PALLD: variants seen among roughly 807,000 people sequenced by gnomAD.
PALLD encodes the protein palladin, cytoskeletal associated protein, also known as palladin.
PALLD carries 61 observed loss-of-function variants against 123.5 expected under a neutral mutation model. The ratio of observed to expected loss-of-function variants is 0.49; its 90% CI spans 0.40 to 0.61. PALLD has a LOEUF of 0.61. Among genes scored for constraint, PALLD ranks in the 20% least tolerant of loss-of-function variants. PALLD has a pLI of 0.00. For missense variants in PALLD, 1,273 were observed against 1,377.0 expected, an observed-to-expected ratio of 0.92 and a Z score of 1.20; for synonymous variants, 465 against 496.4, an observed-to-expected ratio of 0.94 and a Z score of 0.84.
chr4:168,745,429 G>T lies in PALLD; in HGVS notation c.1964+33506G>T, dbSNP rs59868896. ...TTAGTTAGAGTCTGTGAGATGGGAGGGGGGGGCAAATAATGATTCATTCTC... is the reference window on the plus strand; with the variant it reads ...TTAGTTAGAGTCTGTGAGATGGGAGTGGGGGGCAAATAATGATTCATTCTC... On this transcript the variant is annotated intron_variant, in intron 10 of 21. Transcript: ENST00000505667. Among the ~76,000 whole-genome samples the T allele has an allele frequency of 5.1e-3, 726 of 141,308 alleles. 20 individuals are homozygous for T. The highest frequency in any genetic ancestry group is 0.018 in the African/African-American group (696 of 39,212). The allele number at this position is 141,308 out of a possible 152,430, so 92.7% of individuals were successfully genotyped here.
intron 2 of PALLD, among the ~76,000 whole-genome samples, chr4:168,586,808 T>G (rs536774883): frequency 1.3e-5 from 2 of 152,244 alleles, no homozygotes; most frequent in African/African-American, 4.8e-5. Flanking sequence ...CAGTTCAGTC[T>G]CTCAATTCTG....
intron 10 of PALLD, among the ~76,000 whole-genome samples, chr4:168,834,613 T>G (rs1561578274): frequency 6.6e-6 from 1 of 152,050 alleles, no homozygotes; most frequent in Non-Finnish European, 1.5e-5. Flanking sequence ...GGTGTGTGCC[T>G]ATAACCCCAG....
intron 10 of PALLD, among the ~76,000 whole-genome samples, chr4:168,725,711 A>G (rs1235098708): frequency 1.3e-5 from 2 of 151,800 alleles, no homozygotes; most frequent in African/African-American, 4.8e-5. Flanking sequence ...TATTTTTAGT[A>G]CAGACGGGGT....
At chr4:168,746,306 G>A (rs1244952037) in intron 10 of PALLD, among the ~76,000 whole-genome samples, 2 of 149,520 alleles carry the variant, frequency 1.3e-5, no homozygotes, top group South Asian at 2.1e-4. Context: ...GCGTGAACCC[G>A]GGAGGCGGAG....
chr4:168,875,905 C>T (rs1184879877), intron 10 of PALLD, among the ~76,000 whole-genome samples: 1 of 152,204 alleles, frequency 6.6e-6, no homozygotes, highest in Non-Finnish European at 1.5e-5. Context: ...AGGTACAGAG[C>T]GTGATATGAT....
intron 8 of PALLD, among the ~76,000 whole-genome samples, chr4:168,699,726 A>C (rs1031098082): frequency 6.6e-6 from 1 of 152,094 alleles, no homozygotes; most frequent in African/African-American, 2.4e-5. Context: ...TCTGGGAGAT[A>C]TTGCTGTGAT....
chr4:168,859,841 G>A (rs531250447), intron 10 of PALLD, among the ~76,000 whole-genome samples: 1 of 151,866 alleles, frequency 6.6e-6, no homozygotes, highest in East Asian at 1.9e-4. Context: ...ACATTAAAAA[G>A]GAAAAAGAAA....
At chr4:168,602,883 A>G (rs1345257589) in intron 2 of PALLD, among the ~76,000 whole-genome samples, 2 of 151,942 alleles carry the variant, frequency 1.3e-5, no homozygotes, top group African/African-American at 4.8e-5. Context: ...CTCCCACCTC[A>G]GCCTCCTGAG....
At chr4:168,524,404 G>T (rs77196839) in intron 2 of PALLD, among the ~76,000 whole-genome samples, 3,315 of 152,238 alleles carry the variant, frequency 0.022, 47 homozygotes, top group Middle Eastern at 0.037. Flanking sequence ...TCCAGTTACT[G>T]GTAGGGATGG....
intron 10 of PALLD, among the ~76,000 whole-genome samples, chr4:168,726,429 A>G (rs1327803471): frequency 1.3e-5 from 2 of 152,134 alleles, no homozygotes; most frequent in Non-Finnish European, 2.9e-5. Context: ...TTATTACTCC[A>G]GGTACCCAGG....
At chr4:168,853,566 G>A (rs13137119) in intron 10 of PALLD, among the ~76,000 whole-genome samples, 12,823 of 152,262 alleles carry the variant, frequency 0.084, 623 homozygotes, top group South Asian at 0.17. Context: ...GCCTCAGGAA[G>A]TGATGTTTGA....
intron 10 of PALLD, among the ~76,000 whole-genome samples, chr4:168,754,297 C>T (rs897089165): frequency 2.6e-5 from 4 of 152,136 alleles, no homozygotes; most frequent in Non-Finnish European, 4.4e-5. Context: ...TTTTAGTCAT[C>T]CTTACTTAGT....
intron 3 of PALLD, among the ~76,000 whole-genome samples, chr4:168,670,626 G>C (rs1448669607): frequency 6.7e-6 from 1 of 150,346 alleles, no homozygotes; most frequent in Non-Finnish European, 1.5e-5. Flanking sequence ...CCAGCTACTC[G>C]GGAGGCTGAG....
intron 2 of PALLD, among the ~76,000 whole-genome samples, chr4:168,609,216 T>C (rs1455020935): frequency 1.3e-5 from 2 of 152,014 alleles, no homozygotes; most frequent in Non-Finnish European, 2.9e-5. Flanking sequence ...GTCTATTTTT[T>C]ACTATAACAA....
Position 168,572,979 on chromosome 4 carries a change from C to G in PALLD, c.908+60567C>G, listed in dbSNP as rs543832663. ...TTTTATTAATTTAGAACAAAATCTT[C>G]TGTTCTTAATATAATCTACAAGTAA... On this transcript the variant is annotated intron_variant, in intron 2 of 21. Transcript: ENST00000505667. Among the ~76,000 whole-genome samples, 3 of 150,744 alleles carry G rather than the reference C, an allele frequency of 2.0e-5. No individual in the cohort carries two copies. The South Asian group carries it at 6.4e-4, about 32-fold the overall frequency.
intron 3 of PALLD, among the ~76,000 whole-genome samples, chr4:168,675,295 C>T (rs1300523313): frequency 6.6e-6 from 1 of 152,280 alleles, no homozygotes; most frequent in Non-Finnish European, 1.5e-5. Flanking sequence ...GGAAGAGAAC[C>T]AGCGTGACAC....
Position 168,878,682 on chromosome 4 carries a change from T to TG in PALLD, c.1965-12229dup, listed in dbSNP as rs10686951. 0.32 allele frequency among the ~76,000 whole-genome samples: 26,834 copies of TG among 82,900 alleles called. 3,002 individuals carry two copies. Among genetic ancestry groups the TG allele is most frequent in the Middle Eastern group, 0.38 (64 of 170 alleles). 54.4% of individuals were successfully genotyped at this position (82,900 alleles called of 152,430 possible). On this transcript the variant is annotated intron_variant, in intron 10 of 21. Coordinates refer to ENST00000505667, the MANE Select transcript of PALLD (RefSeq NM_001166108.2). ...ATGCAGTGCCCTCTCTTAATCATTA[T>TG]GGGGGGGGGGGTGCTTAGCTATCAT...
At chr4:168,616,601 C>T (rs375595566) in intron 2 of PALLD, among the ~76,000 whole-genome samples, 1 of 152,082 alleles carries the variant, frequency 6.6e-6, no homozygotes, top group African/African-American at 2.4e-5. Flanking sequence ...GATTGGAATC[C>T]CATATGGTAT....
intron 2 of PALLD, among the ~76,000 whole-genome samples, chr4:168,572,742 C>T (rs1001195350): frequency 6.6e-6 from 1 of 151,850 alleles, no homozygotes; most frequent in Admixed American, 6.6e-5. Flanking sequence ...AATCTGAACA[C>T]GCTTCTTGCC....
Sources: gnomAD v4.1 joint callset for allele counts (sites outside exome capture counted in the v4.1 genomes callset) on GRCh38, gnomAD v4.1.1 for gene constraint, MANE v1.5 for transcripts, NCBI Gene and HGNC (gene_info 2026-07-23, HGNC 2026-07-21) for gene names.